Variants in OR51B5 observed in about 807,000 individuals in gnomAD.
The protein encoded by OR51B5 is olfactory receptor 51B5.
For synonymous variants in OR51B5, 186 were observed against 144.8 expected, an observed-to-expected ratio of 1.28 and a Z score of -2.04; for missense variants, 456 against 374.6, an observed-to-expected ratio of 1.22 and a Z score of -1.79.
At chr11:5,346,339 C>T (rs10837868), upstream of OR51B5, 45,220 of 151,780 alleles carry the variant, frequency 0.3, 7,434 homozygotes, top group Non-Finnish European at 0.38. Flanking sequence ...CTCAGCTAGT[C>T]GTGGCTCTTG....
At chr11:5,446,644 T>A (rs906017517) in intron 1 of OR51B5, among the ~76,000 whole-genome samples, 2 of 152,210 alleles carry the variant, frequency 1.3e-5, no homozygotes, top group Admixed American at 6.5e-5. Context: ...AAGAATCAAA[T>A]TTTTCAGTTG....
At chr11:5,458,968 G>C (rs1329254697) in intron 1 of OR51B5, among the ~76,000 whole-genome samples, 4 of 152,104 alleles carry the variant, frequency 2.6e-5, no homozygotes, top group Middle Eastern at 3.2e-3. Flanking sequence ...TTGACGCTCT[G>C]GCTAGGACTT....
intron 1 of OR51B5, among the ~76,000 whole-genome samples, chr11:5,373,705 G>T (rs796755428): frequency 6.6e-6 from 1 of 152,108 alleles, no homozygotes; most frequent in African/African-American, 2.4e-5. Flanking sequence ...AGGGTCCTAC[G>T]CCCACGGAGT....
In OR51B5 at chr11:5,373,765, C is replaced by G. The variant is rs907022453; in HGVS notation, n.85-26855G>C. 7.6e-4 allele frequency among the ~76,000 whole-genome samples: 116 copies of G among 152,264 alleles called. 1 individual carries two copies. Among genetic ancestry groups the G allele is most frequent in the Admixed American group, 4.9e-3 (75 of 15,298 alleles). ...CTGAGATCAAACTGCAAGGTGGCAGCGAGGCTGGGGGAGGGGCAGCCGCCA... is the reference window on the plus strand; with the variant it reads ...CTGAGATCAAACTGCAAGGTGGCAGGGAGGCTGGGGGAGGGGCAGCCGCCA... On this transcript the variant is annotated intron_variant and non_coding_transcript_variant, in intron 1 of 4. Coordinates refer to the OR51B5 transcript ENST00000415970.
downstream of OR51B5, among the ~76,000 whole-genome samples, chr11:5,342,327 C>G (rs1313153270): frequency 6.6e-6 from 1 of 152,066 alleles, no homozygotes; most frequent in Non-Finnish European, 1.5e-5. Context: ...CAATAGATGC[C>G]TAAGGTATTG....
chr11:5,450,163 C>T (rs903857830), intron 1 of OR51B5, among the ~76,000 whole-genome samples: 13 of 151,982 alleles, frequency 8.6e-5, no homozygotes, highest in South Asian at 6.2e-4. Flanking sequence ...CTGAGGTGGT[C>T]AGATCACCTG....
At chr11:5,418,533 G>A (rs947334194) in intron 1 of OR51B5, among the ~76,000 whole-genome samples, 3 of 152,096 alleles carry the variant, frequency 2.0e-5, no homozygotes, top group African/African-American at 7.2e-5. Context: ...TATACACCAT[G>A]GAATACTACG....
At chr11:5,393,908 T>G (rs2133733665) in intron 1 of OR51B5, among the ~76,000 whole-genome samples, 1 of 152,246 alleles carries the variant, frequency 6.6e-6, no homozygotes, top group African/African-American at 2.4e-5. Context: ...ACAGGACCAC[T>G]CGTTTCAGGG....
intron 1 of OR51B5, chr11:5,431,408 G>A (rs1297886367): frequency 4.2e-6 from 1 of 237,974 alleles, no homozygotes; most frequent in Non-Finnish European, 8.3e-6. Flanking sequence ...CCAACATGGA[G>A]AGAAATAAGT....
At chr11:5,357,459 C>A (rs1207456061) in intron 1 of OR51B5, among the ~76,000 whole-genome samples, 2 of 151,990 alleles carry the variant, frequency 1.3e-5, no homozygotes, top group Non-Finnish European at 2.9e-5. Flanking sequence ...AATACAGGAA[C>A]ACCCAGGTTC....
exon 1 of OR51B5, chr11:5,505,595 C>A: frequency 2.8e-6 from 2 of 714,818 alleles, no homozygotes; most frequent in Non-Finnish European, 3.9e-6. Flanking sequence ...GGAGGCCTCA[C>A]AACCATGGCC....
At chr11:5,379,780 C>T (rs1849583471) in intron 1 of OR51B5, among the ~76,000 whole-genome samples, 1 of 152,022 alleles carries the variant, frequency 6.6e-6, no homozygotes, top group Non-Finnish European at 1.5e-5. Flanking sequence ...ATTCTAATTT[C>T]ACATATGGTG....
intron 1 of OR51B5, among the ~76,000 whole-genome samples, chr11:5,357,928 G>C (rs1369609160): frequency 6.6e-6 from 1 of 152,026 alleles, no homozygotes; most frequent in Non-Finnish European, 1.5e-5. Context: ...AAATAAAAAT[G>C]TTCTTTGGAA....
chr11:5,477,553 A>G (rs543083990), intron 1 of OR51B5, among the ~76,000 whole-genome samples: 6 of 152,346 alleles, frequency 3.9e-5, no homozygotes, highest in South Asian at 4.1e-4. Flanking sequence ...AGCTCCCAGC[A>G]TGAGCAACGC....
chr11:5,441,311 G>A (rs1287115523), intron 1 of OR51B5: 33 of 1,613,816 alleles, frequency 2.0e-5, no homozygotes, highest in Admixed American at 8.3e-5. Context: ...CATTGAGAGC[G>A]AGCATAGAGA....
At chr11:5,455,810 T>G (rs1850950105) in intron 1 of OR51B5, 2 of 152,100 alleles carry the variant, frequency 1.3e-5, no homozygotes, top group African/African-American at 4.8e-5. Flanking sequence ...TACTTGGGAT[T>G]CAGATTTTTT....
chr11:5,417,229 G>T (rs1222417119), intron 1 of OR51B5, among the ~76,000 whole-genome samples: 4 of 149,928 alleles, frequency 2.7e-5, no homozygotes, highest in South Asian at 2.1e-4. Context: ...GCCATATGTA[G>T]AAAGCTGAAA....
intron 1 of OR51B5, among the ~76,000 whole-genome samples, chr11:5,437,386 C>T (rs1361341833): frequency 3.9e-5 from 6 of 152,114 alleles, no homozygotes; most frequent in African/African-American, 1.4e-4. Context: ...CCAGAGACAA[C>T]CCCAGGATTT....
At chr11:5,495,405 G>A (rs1487159516) in intron 1 of OR51B5, among the ~76,000 whole-genome samples, 2 of 152,140 alleles carry the variant, frequency 1.3e-5, no homozygotes, top group Non-Finnish European at 2.9e-5. Context: ...ATGATAATTT[G>A]CTAAGGGATA....
Sources: allele counts gnomAD v4.1 joint callset (sites outside exome capture counted in the v4.1 genomes callset), GRCh38; gene constraint gnomAD v4.1.1; transcripts MANE v1.5; gene names NCBI Gene and HGNC (gene_info 2026-07-23, HGNC 2026-07-21).